Variants in ATG7 observed in about 807,000 individuals in gnomAD.
ATG7 encodes the protein autophagy related 7.
A neutral mutation model predicts 82.4 loss-of-function variants in ATG7; 70 were observed. That is an observed-to-expected ratio of 0.85 (90% confidence interval 0.70 to 1.04). ATG7 has a LOEUF of 1.04. Among genes scored for constraint, ATG7 ranks in the 50% least tolerant of loss-of-function variants. ATG7 has a pLI of 0.00. For missense variants in ATG7, 792 were observed against 864.3 expected (o/e 0.92, Z 1.05); for synonymous variants, 287 against 313.0 (o/e 0.92, Z 0.88).
chr3:11,496,057 G>A (rs533269748), intron 20 of ATG7, among the ~76,000 whole-genome samples: 1 of 152,318 alleles, frequency 6.6e-6, no homozygotes, highest in Admixed American at 6.5e-5. Flanking sequence ...GGAGGCTAAA[G>A]CAGGAGAGTT....
At chr3:11,451,876 CACACACACAGACACACACACACACAG>C (rs1423525277) in intron 20 of ATG7, among the ~76,000 whole-genome samples, 9 of 141,730 alleles carry the variant, frequency 6.4e-5, no homozygotes, top group Non-Finnish European at 1.2e-4. Flanking sequence ...TACATACACA[CACACACACAGACACACACACACACAG>C]ACACACACAC....
intron 3 of ATG7, among the ~76,000 whole-genome samples, chr3:11,297,096 G>A (rs1946053969): frequency 6.6e-6 from 1 of 152,178 alleles, no homozygotes; most frequent in Non-Finnish European, 1.5e-5. Context: ...AGTGGCTCAT[G>A]CCTGTAATCG....
intron 20 of ATG7, among the ~76,000 whole-genome samples, chr3:11,536,634 G>A (rs1216561156): frequency 6.6e-6 from 1 of 152,206 alleles, no homozygotes; most frequent in Non-Finnish European, 1.5e-5. Context: ...GCACTCTGGC[G>A]GGGAGTCCCG....
At chr3:11,372,117 C>G (rs980919273) in intron 18 of ATG7, among the ~76,000 whole-genome samples, 1 of 151,338 alleles carries the variant, frequency 6.6e-6, no homozygotes, top group East Asian at 1.9e-4. Flanking sequence ...CAACCTGGTG[C>G]CCCACATCTG....
intron 20 of ATG7, among the ~76,000 whole-genome samples, chr3:11,501,178 T>G (rs2091293057): frequency 1.3e-5 from 2 of 152,208 alleles, no homozygotes; most frequent in African/African-American, 4.8e-5. Context: ...CACTTGATCC[T>G]GGGAAGTTGA....
rs1217815337 is a variant in ATG7 at position 11,315,466 on chromosome 3, T to G, written c.651T>G (p.Ser217Arg). The G allele has an allele frequency of 6.2e-6, 10 of 1,605,998 alleles. No homozygotes were observed. Among genetic ancestry groups the G allele is most frequent in the Non-Finnish European group, 7.6e-6 (9 of 1,177,114 alleles). Residue 217 changes from serine to arginine, a missense_variant, in exon 9 of 21, where the codon AGT becomes AGG. By Grantham distance (110) the Ser-to-Arg change is moderately radical (BLOSUM62 -1). Transcript: ENST00000693202. ...TGGTTTCCTTGCTTAAACACTACAG[T>G]GATTTCTTCCAAGGTCAAAGGACGA... ...MVLVSLLKHY[S>R]DFFQGQRTKI...
intron 18 of ATG7, among the ~76,000 whole-genome samples, chr3:11,376,798 G>A (rs1307162878): frequency 6.6e-6 from 1 of 152,146 alleles, no homozygotes; most frequent in Non-Finnish European, 1.5e-5. Context: ...GAGTGCAGTG[G>A]CACCATCTCG....
chr3:11,440,064 A>G lies in ATG7; in HGVS notation c.2079+13138A>G, dbSNP rs551106686. ...GCAGAGGCATTCTGCTTTATAGAAC[A>G]TATCTCTACTTTCATATTGAGCAGT... On this transcript the variant is annotated intron_variant, in intron 20 of 20. Transcript: ENST00000693202. 1.9e-3 allele frequency among the ~76,000 whole-genome samples: 291 copies of G among 152,316 alleles called. 2 individuals are homozygous for G. Among genetic ancestry groups the G allele is most frequent in the South Asian group, 0.011 (55 of 4,826 alleles).
chr3:11,470,514 G>A (rs2087375017), intron 20 of ATG7, among the ~76,000 whole-genome samples: 2 of 152,236 alleles, frequency 1.3e-5, no homozygotes, highest in South Asian at 4.1e-4. Context: ...ACGTCATTAT[G>A]TGGTGTGTCA....
At chr3:11,565,385 C>T in the ATG7 span, among the ~76,000 whole-genome samples, 77 of 152,312 alleles carry the variant, frequency 5.1e-4, no homozygotes, top group Non-Finnish European at 9.7e-4. The surrounding 1 kb of genome is among the most constrained non-coding windows in gnomAD (Gnocchi z 4.1). Context: ...AGGACGGGGA[C>T]GCTGACAACG....
At chr3:11,432,205 A>G (rs4618208) in intron 20 of ATG7, among the ~76,000 whole-genome samples, 33,969 of 151,900 alleles carry the variant, frequency 0.22, 4,279 homozygotes, top group South Asian at 0.35. Flanking sequence ...GGCGTTGGAG[A>G]TGGGATGGAG....
chr3:11,558,447 C>A, downstream of ATG7: 1 of 1,409,932 alleles, frequency 7.1e-7, no homozygotes, highest in Non-Finnish European at 9.4e-7. Context: ...TAAACCATCC[C>A]TTCCCTTCCC....
rs779160130 is a variant in ATG7, at chr3:11,555,225, C to T, written c.*382C>T. 9 of 207,122 alleles carry T rather than the reference C, an allele frequency of 4.3e-5. No individual in the cohort carries two copies. The highest frequency in any genetic ancestry group is 6.9e-5 in the African/African-American group (3 of 43,326). 12.8% of individuals were successfully genotyped at this position (207,122 alleles called of 1,614,324 possible). Reference sequence around the variant, plus strand: ...AACCAGCTCCTGCCCAGAGCCACTGCGGGAGGTGGCACCCTCATCCCCGGA... The same window carrying T: ...AACCAGCTCCTGCCCAGAGCCACTGTGGGAGGTGGCACCCTCATCCCCGGA... On this transcript the variant is annotated 3_prime_UTR_variant, in exon 21 of 21. Transcript: ENST00000693202.
intron 19 of ATG7, among the ~76,000 whole-genome samples, chr3:11,404,622 A>C (rs2080159893): frequency 6.6e-6 from 1 of 151,986 alleles, no homozygotes; most frequent in South Asian, 2.1e-4. Context: ...ATGTTGTATT[A>C]GTCTTTCTCA....
intron 18 of ATG7, among the ~76,000 whole-genome samples, chr3:11,371,325 G>A (rs779641820): frequency 2.6e-5 from 4 of 151,012 alleles, no homozygotes; most frequent in Non-Finnish European, 5.9e-5. Context: ...CGAGTTTGAG[G>A]AAGGGAAAGG....
chr3:11,476,762 CACTT>C (rs1271216376), intron 20 of ATG7, among the ~76,000 whole-genome samples: 2 of 152,106 alleles, frequency 1.3e-5, no homozygotes, highest in Non-Finnish European at 2.9e-5. Context: ...TGGTTACAAA[CACTT>C]ACTTAATATA....
chr3:11,482,118 A>T (rs1366057206), intron 20 of ATG7, among the ~76,000 whole-genome samples: 1 of 152,112 alleles, frequency 6.6e-6, no homozygotes, highest in Non-Finnish European at 1.5e-5. Flanking sequence ...TCCTTCTCTC[A>T]TCACTGCTTT....
intron 20 of ATG7, among the ~76,000 whole-genome samples, chr3:11,465,426 C>G (rs141356566): frequency 1.4e-5 from 2 of 138,142 alleles, no homozygotes; most frequent in African/African-American, 5.7e-5. Context: ...GCCTGGGTGA[C>G]AGAGAGAGAC....
chr3:11,517,290 G>A (rs577025820), intron 20 of ATG7, among the ~76,000 whole-genome samples: 12 of 150,594 alleles, frequency 8.0e-5, no homozygotes, highest in Admixed American at 4.6e-4. Context: ...GCAGTGAGTC[G>A]AGATCGCATC....
Sources: allele counts gnomAD v4.1 joint callset (sites outside exome capture counted in the v4.1 genomes callset), GRCh38; gene constraint gnomAD v4.1.1; non-coding constraint Gnocchi (gnomAD v3.1); transcripts MANE v1.5; gene names NCBI Gene and HGNC (gene_info 2026-07-23, HGNC 2026-07-21).